The following PDE10A variants were observed in gnomAD, a reference collection of about 807,000 sequenced individuals.
The protein encoded by PDE10A is cAMP and cAMP-inhibited cGMP 3',5'-cyclic phosphodiesterase 10A.
Under a neutral mutation model 97.7 loss-of-function variants are expected in PDE10A, and 39 were observed. The observed-to-expected ratio is 0.40, with a 90% CI of 0.31 to 0.52. PDE10A has a LOEUF of 0.52. PDE10A is among the 20% of genes least tolerant of loss of function. The pLI is 0.56. For synonymous variants in PDE10A, 371 were observed against 376.8 expected, an observed-to-expected ratio of 0.98 and a Z score of 0.18; for missense variants, 731 against 1,047.8, an observed-to-expected ratio of 0.70 and a Z score of 4.17.
At chr6:165,677,876 TTGAG>T (rs1182311032) in intron 1 of PDE10A, among the ~76,000 whole-genome samples, 1 of 151,792 alleles carries the variant, frequency 6.6e-6, no homozygotes, top group African/African-American at 2.4e-5. Flanking sequence ...ATGTTTGTGT[TTGAG>T]TGTATATGCA....
chr6:165,952,209 C>A (rs1223137681), intron 1 of PDE10A, among the ~76,000 whole-genome samples: 1 of 152,252 alleles, frequency 6.6e-6, no homozygotes, highest in Non-Finnish European at 1.5e-5. Flanking sequence ...CCACCAGCAG[C>A]CCCCATGGCC....
At chr6:165,477,581 T>C (rs1452224921) in intron 3 of PDE10A, among the ~76,000 whole-genome samples, 1 of 152,202 alleles carries the variant, frequency 6.6e-6, no homozygotes, top group Non-Finnish European at 1.5e-5. Flanking sequence ...TACAGTAGTT[T>C]CAAAAGTGCA....
chr6:165,668,787 G>A (rs539137447), intron 1 of PDE10A, among the ~76,000 whole-genome samples: 1 of 143,952 alleles, frequency 6.9e-6, no homozygotes, highest in African/African-American at 2.5e-5. Context: ...GAGGGAGGGA[G>A]GGAGGAAGGG....
At position 165,508,342 on chromosome 6, in the gene PDE10A, T is replaced by G. The variant is rs538553051; in HGVS notation, c.995-25999A>C. Among the ~76,000 whole-genome samples the G allele has an allele frequency of 2.6e-5, 4 of 152,224 alleles. 1 individual carries two copies. The South Asian group carries it at 8.3e-4, about 32-fold the overall frequency. On this transcript the variant is annotated intron_variant, in intron 2 of 21. Transcript: ENST00000539869. ...CAGTCCTCTTTTCTCTCTGGTCTCC[T>G]TCACTCAGTGTAACTGTTTTGAGAT...
chr6:165,861,232 T>C (rs1417896044), intron 1 of PDE10A, among the ~76,000 whole-genome samples: 1 of 152,186 alleles, frequency 6.6e-6, no homozygotes, highest in African/African-American at 2.4e-5. Flanking sequence ...TGGATGAATG[T>C]ATTCGTTAGT....
intron 1 of PDE10A, among the ~76,000 whole-genome samples, chr6:165,814,234 G>A (rs371402851): frequency 4.6e-5 from 7 of 152,134 alleles, no homozygotes; most frequent in East Asian, 1.9e-4. Context: ...GGAAGGAGCC[G>A]TGCAGCAAGG....
At chr6:165,653,481 A>C (rs1789784781) in intron 1 of PDE10A, among the ~76,000 whole-genome samples, 1 of 152,214 alleles carries the variant, frequency 6.6e-6, no homozygotes, top group Admixed American at 6.5e-5. Context: ...ACAGGGCAGA[A>C]GCACCAGCCA....
chr6:165,459,510 T>C (rs200954247), intron 3 of PDE10A, among the ~76,000 whole-genome samples: 2 of 59,592 alleles, frequency 3.4e-5, no homozygotes, highest in Admixed American at 1.8e-4. Context: ...GATAGATAGA[T>C]AGATAGATAG....
At chr6:165,897,997 G>A (rs968884447) in intron 1 of PDE10A, among the ~76,000 whole-genome samples, 3 of 151,800 alleles carry the variant, frequency 2.0e-5, no homozygotes, top group Non-Finnish European at 4.4e-5. Flanking sequence ...GACCACTCCC[G>A]TTAGCCCCTG....
At chr6:165,793,331 T>C (rs757271107) in intron 1 of PDE10A, among the ~76,000 whole-genome samples, 1 of 151,982 alleles carries the variant, frequency 6.6e-6, no homozygotes, top group African/African-American at 2.4e-5. Flanking sequence ...ATGATGAAGA[T>C]AAAATTCAAT....
rs781103938 is a variant in PDE10A at position 165,336,207 on chromosome 6, C to A, written c.2981G>T (p.Gly994Val). 6.2e-7 allele frequency: 1 copy of A among 1,613,332 alleles called. No individual in the cohort carries two copies. The highest frequency in any genetic ancestry group is 2.2e-5 in the East Asian group (1 of 44,876). ...KKDEVPQGQL[G>V]FYNAVAIPCY... is the part of the protein sequence containing the mutation. ...GGGAATGGCCACGGCATTGTAGAAC[C>A]CAAGCTGCCTCCATGCAAAAACCAC... Residue 994 changes from glycine (G) to valine (V), a missense_variant, in exon 21 of 22, where the codon GGG (glycine) becomes GTG (valine). Transcript: ENST00000539869.
At chr6:165,975,875 G>C (rs1460100626) in intron 1 of PDE10A, among the ~76,000 whole-genome samples, 1 of 152,208 alleles carries the variant, frequency 6.6e-6, no homozygotes, top group Non-Finnish European at 1.5e-5. Context: ...ACGATATTGC[G>C]TGTGGGTAGA....
chr6:165,534,813 C>T (rs1782983731), intron 2 of PDE10A, among the ~76,000 whole-genome samples: 2 of 151,922 alleles, frequency 1.3e-5, no homozygotes, highest in South Asian at 4.1e-4. Context: ...CAATAAAGGC[C>T]ATATACAACA....
intron 10 of PDE10A, among the ~76,000 whole-genome samples, chr6:165,421,221 C>A (rs1055120517): frequency 6.6e-6 from 1 of 152,244 alleles, no homozygotes; most frequent in East Asian, 1.9e-4. Flanking sequence ...ATGGGCAGAT[C>A]TCTTGAGCCC....
intron 1 of PDE10A, among the ~76,000 whole-genome samples, chr6:165,599,004 G>A: frequency 6.6e-6 from 1 of 152,198 alleles, no homozygotes; most frequent in Non-Finnish European, 1.5e-5. Flanking sequence ...GAGGTGAGAA[G>A]CTGTCCTACT....
chr6:165,681,424 G>GTC (rs201591629), intron 1 of PDE10A, among the ~76,000 whole-genome samples: 4,747 of 149,116 alleles, frequency 0.032, 140 homozygotes, highest in African/African-American at 0.075. Flanking sequence ...GTGTGTGTGT[G>GTC]TGTGTCTGTG....
exon 1 of PDE10A, chr6:165,987,708 T>A (rs1021778277): frequency 4.6e-5 from 21 of 456,632 alleles, no homozygotes; most frequent in Non-Finnish European, 8.4e-5. Context: ...GCTGGCCAAG[T>A]TCGGGACCTG....
intron 1 of PDE10A, among the ~76,000 whole-genome samples, chr6:165,912,170 T>C (rs576608783): frequency 2.7e-4 from 41 of 152,200 alleles, no homozygotes; most frequent in African/African-American, 8.4e-4. Flanking sequence ...TCTCTCTCTC[T>C]ATCATCTATC....
At chr6:165,907,607 G>A (rs1006892903) in intron 1 of PDE10A, among the ~76,000 whole-genome samples, 33 of 152,058 alleles carry the variant, frequency 2.2e-4, no homozygotes, top group African/African-American at 7.8e-4. Context: ...TCAGCCAGGT[G>A]TCAGGGGTTC....
Sources: gnomAD v4.1 joint callset for allele counts (sites outside exome capture counted in the v4.1 genomes callset) on GRCh38, gnomAD v4.1.1 for gene constraint, MANE v1.5 for transcripts, NCBI Gene and HGNC (gene_info 2026-07-23, HGNC 2026-07-21) for gene names.